The following CDK11A variants were observed in gnomAD, a reference collection of about 807,000 sequenced individuals.
CDK11A encodes the protein cyclin dependent kinase 11A.
CDK11A carries 55 observed loss-of-function variants against 83.6 expected under a neutral mutation model. The ratio of observed to expected loss-of-function variants is 0.66; its 90% CI spans 0.53 to 0.82. CDK11A has a LOEUF of 0.82. CDK11A is among the 40% of genes least tolerant of loss of function. CDK11A has a pLI of 0.00. For synonymous variants in CDK11A, 247 were observed against 302.7 expected (o/e 0.82, Z 1.91); for missense variants, 564 against 810.1 (o/e 0.70, Z 3.69).
rs1557778497 is a variant in CDK11A at position 1,704,029 on chromosome 1, C to A, written c.1794+10G>T. 11 of 1,597,338 alleles carry A rather than the reference C, an allele frequency of 6.9e-6. 1 individual carries two copies. Among genetic ancestry groups the A allele is most frequent in the Non-Finnish European group, 8.5e-6 (10 of 1,170,020 alleles). On this transcript the variant is annotated intron_variant, in intron 16 of 19. Coordinates refer to ENST00000404249, the MANE Select transcript of CDK11A (RefSeq NM_024011.4). ...GGGACAGGGGAGGCACTCAGACGCC[C>A]AGGACTCACCTTGGCACCAAGCAGC...
chr1:1,708,846 CTCTTCCTCT>C lies in CDK11A; in HGVS notation c.942_950del (p.Glu319_Glu321del), dbSNP rs1644423865. ...AGTTGCTGCCGGTCTCCTCCTCCTC[CTCTTCCTCT>C]TCCTCCTCCTCCTCCTCTGATTCTT... On this transcript the variant is annotated inframe_deletion, in exon 9 of 20. Coordinates refer to ENST00000404249, the MANE Select transcript of CDK11A (RefSeq NM_024011.4). The C allele has an allele frequency of 3.2e-6, 4 of 1,258,850 alleles. No individual in the cohort carries two copies. The highest frequency in any genetic ancestry group is 3.4e-6 in the Non-Finnish European group (3 of 892,764). The allele number at this position is 1,258,850 out of a possible 1,614,324, so 78.0% of individuals were successfully genotyped here.
chr1:1,718,699 C>T (rs1205926710), intron 4 of CDK11A, among the ~76,000 whole-genome samples: 2 of 145,168 alleles, frequency 1.4e-5, no homozygotes, highest in East Asian at 2.1e-4. Flanking sequence ...TGCAGTGGTG[C>T]GATAGCGGCT....
intron 3 of CDK11A, among the ~76,000 whole-genome samples, chr1:1,719,882 T>C (rs558342653): frequency 6.6e-6 from 1 of 150,868 alleles, no homozygotes; most frequent in African/African-American, 2.4e-5. Context: ...CCCAAAGTGC[T>C]GGGATTACAG....
At position 1,721,705 on chromosome 1, in the gene CDK11A, C is replaced by G. The variant is rs1187357536; in HGVS notation, c.118G>C (p.Asp40His). 6.3e-7 allele frequency: 1 copy of G among 1,580,222 alleles called. No homozygotes were observed. The highest frequency in any genetic ancestry group is 1.3e-5 in the African/African-American group (1 of 74,176). Residue 40 changes from aspartate (D) to histidine (H), a missense_variant, in exon 3 of 20, where the codon GAC (aspartate) becomes CAC (histidine). Around this residue, in one of 5 missense-constraint regions of CDK11A, gnomAD observed 28 missense variants for 54.8 expected, o/e 0.51. Coordinates refer to ENST00000404249, the MANE Select transcript of CDK11A (RefSeq NM_024011.4). The part of the protein sequence containing the change: ...AEIKRLKNSD[D>H]RDSKRDSLEE... Reference sequence around the variant, plus strand: ...AGGGAATCCCGCTTGGAATCCCGGTCATCAGACTAAGAAGCAAAGAGAAAG... The same window carrying G: ...AGGGAATCCCGCTTGGAATCCCGGTGATCAGACTAAGAAGCAAAGAGAAAG...
intron 1 of CDK11A, among the ~76,000 whole-genome samples, chr1:1,723,275 G>A (rs1473150566): frequency 1.3e-5 from 1 of 76,602 alleles, no homozygotes; most frequent in South Asian, 4.3e-4. Context: ...AGGCTGAGGC[G>A]GGTGGATCAC....
intron 2 of CDK11A, 115 bp from the exon 3 acceptor site, chr1:1,721,826 T>G: frequency 7.3e-7 from 1 of 1,377,830 alleles, no homozygotes; most frequent in African/African-American, 1.5e-5. Context: ...AACTTTCACA[T>G]GTACTCTGAA....
Position 1,705,806 on chromosome 1 carries a change from C to T in CDK11A, c.1246-74G>A, listed in dbSNP as rs373704234. 69 of 511,262 alleles carry T rather than the reference C, an allele frequency of 1.3e-4. 15 individuals are homozygous for T. The East Asian group carries it at 1.6e-3, about 12-fold the overall frequency. The allele number at this position is 511,262 out of a possible 1,614,324, so 31.7% of individuals were successfully genotyped here. Reference sequence around the variant, plus strand: ...GGGAGGGCGGCTGCGTCCACAGGCACGGCACACCCAGCACGGGGCAGGTGC... The same window carrying T: ...GGGAGGGCGGCTGCGTCCACAGGCATGGCACACCCAGCACGGGGCAGGTGC... On this transcript the variant is annotated intron_variant, in intron 11 of 19. Coordinates refer to ENST00000404249, the MANE Select transcript of CDK11A (RefSeq NM_024011.4).
At chr1:1,706,464 G>C (rs1644314541) in intron 11 of CDK11A, among the ~76,000 whole-genome samples, 1 of 151,314 alleles carries the variant, frequency 6.6e-6, no homozygotes, top group Non-Finnish European at 1.5e-5. Context: ...TGGGAGGATT[G>C]TTTGAGCCTG....
chr1:1,718,292 G>A (rs1276514206), intron 4 of CDK11A, among the ~76,000 whole-genome samples: 1 of 147,258 alleles, frequency 6.8e-6, no homozygotes, highest in Non-Finnish European at 1.5e-5. Context: ...TGTGACACAC[G>A]CATGCTTTCA....
At chr1:1,716,696 C>A (rs2101273958) in intron 4 of CDK11A, among the ~76,000 whole-genome samples, 1 of 149,882 alleles carries the variant, frequency 6.7e-6, no homozygotes, top group Non-Finnish European at 1.5e-5. Flanking sequence ...CACCTGTAAT[C>A]CCAGGTACTA....
intron 5 of CDK11A, among the ~76,000 whole-genome samples, chr1:1,715,989 T>C (rs1017285105): frequency 6.6e-6 from 1 of 150,896 alleles, no homozygotes; most frequent in African/African-American, 2.4e-5. Context: ...TGCAGTAGCA[T>C]GGTCATAGCT....
intron 11 of CDK11A, among the ~76,000 whole-genome samples, chr1:1,706,353 G>A (rs1401221616): frequency 4.6e-5 from 7 of 151,334 alleles, no homozygotes; most frequent in African/African-American, 1.7e-4. Flanking sequence ...GATTACAGGC[G>A]TGAGCCACTG....
rs1231451630 is a variant in CDK11A, at chr1:1,702,607, T to G, written c.*300A>C. ...AATCCACCCGGCTCCCACCAGTTCC[T>G]TTCCAAATCACGGCCCAGCCAGCCC... On this transcript the variant is annotated 3_prime_UTR_variant, in exon 20 of 20. Coordinates refer to ENST00000404249, the MANE Select transcript of CDK11A (RefSeq NM_024011.4). 1 of 424,198 alleles carries G rather than the reference T, an allele frequency of 2.4e-6. No individual in the cohort carries two copies. The highest frequency in any genetic ancestry group is 3.9e-5 in the Admixed American group (1 of 25,442). 26.3% of individuals were successfully genotyped at this position (424,198 alleles called of 1,614,324 possible).
chr1:1,719,806 G>A (rs1310650725), intron 3 of CDK11A, among the ~76,000 whole-genome samples: 5 of 150,356 alleles, frequency 3.3e-5, no homozygotes, highest in East Asian at 2.0e-4. Flanking sequence ...TAGTAGAGAC[G>A]GGGTTTCACT....
Position 1,710,762 on chromosome 1 carries a change from C to T in CDK11A, c.626-1122G>A, listed in dbSNP as rs1397498696. On this transcript the variant is annotated intron_variant, in intron 6 of 19. Transcript: ENST00000404249. Reference sequence around the variant, plus strand: ...AAGTCAAGAAAATGACGCGTGAACACGACGGAAATATCAACAGAGACAGAA... The same window carrying T: ...AAGTCAAGAAAATGACGCGTGAACATGACGGAAATATCAACAGAGACAGAA... Among the ~76,000 whole-genome samples, 15 of 144,940 alleles carry T rather than the reference C, an allele frequency of 1.0e-4. 2 individuals are homozygous for T. The highest frequency in any genetic ancestry group is 8.4e-4 in the Admixed American group (12 of 14,286).
Position 1,703,564 on chromosome 1 carries a change from T to C in CDK11A, c.1972A>G (p.Lys658Glu), listed in dbSNP as rs1164349716. 7.6e-6 allele frequency: 12 copies of C among 1,571,432 alleles called. 1 individual carries two copies. In the Admixed American group the frequency reaches 2.1e-4, roughly 27 times the overall value. ...TAGGGGTGCTCGCTGAAGGTCATCTTTTTGACTACTGGGAGCTCACTGTAG... is the reference window on the plus strand; with the variant it reads ...TAGGGGTGCTCGCTGAAGGTCATCTCTTTGACTACTGGGAGCTCACTGTAG... ...PGYSELPVVK[K>E]MTFSEHPYNN... is the part of the protein sequence containing the mutation. The change falls in exon 18 of 20, where the codon AAG becomes GAG. Residue 658 changes from lysine to glutamate, a missense_variant. Transcript: ENST00000404249.
At chr1:1,723,488 C>CAAAAAAAAAA (rs768913380) in intron 1 of CDK11A, among the ~76,000 whole-genome samples, 7 of 20,630 alleles carry the variant, frequency 3.4e-4, no homozygotes, top group African/African-American at 6.7e-4. Flanking sequence ...GACCCCGTCT[C>CAAAAAAAAAA]AAAAAAAAAA....
intron 5 of CDK11A, among the ~76,000 whole-genome samples, chr1:1,715,218 T>C (rs760926): frequency 0.74 from 68,392 of 92,674 alleles, 27,792 homozygotes; most frequent in Non-Finnish European, 0.91. Flanking sequence ...ACAAGGTCTC[T>C]CTACGTTGCC....
rs946181851 is a variant in CDK11A at position 1,703,690 on chromosome 1, C to T, written c.1912-66G>A. 46 of 1,539,982 alleles carry T rather than the reference C, an allele frequency of 3.0e-5. 1 individual carries two copies. The highest frequency in any genetic ancestry group is 3.9e-5 in the Non-Finnish European group (45 of 1,142,312). ...CACAGTGTTGGCACCTGTGTCCCGT[C>T]AGAGAAGACAAGCCACCAGGAGGGC... On this transcript the variant is annotated intron_variant, in intron 17 of 19. Coordinates refer to ENST00000404249, the MANE Select transcript of CDK11A (RefSeq NM_024011.4).
Sources: gnomAD v4.1 joint callset for allele counts (sites outside exome capture counted in the v4.1 genomes callset) on GRCh38, gnomAD v4.1.1 for gene constraint, gnomAD v4.1.1 regional missense constraint, MANE v1.5 for transcripts, NCBI Gene and HGNC (gene_info 2026-07-23, HGNC 2026-07-21) for gene names.